The following ZNF536 variants were observed in gnomAD, a reference collection of about 807,000 sequenced individuals.
ZNF536 encodes zinc finger protein 536.
Under a neutral mutation model 84.5 loss-of-function variants are expected in ZNF536, and 13 were observed. The ratio of observed to expected loss-of-function variants is 0.15; its 90% CI spans 0.10 to 0.24. The LOEUF is 0.24. Among genes scored for constraint, ZNF536 ranks in the 10% least tolerant of loss-of-function variants. The probability of loss-of-function intolerance (pLI) is 1.00; values close to 1 mark genes in which losing one functional copy is unlikely to be tolerated. For synonymous variants in ZNF536, 811 were observed against 742.5 expected (o/e 1.09, Z -1.50); for missense variants, 1,536 against 1,747.5 (o/e 0.88, Z 2.16).
At chr19:30,307,332 G>C (rs2046370596) in intron 2 of ZNF536, among the ~76,000 whole-genome samples, 1 of 150,722 alleles carries the variant, frequency 6.6e-6, no homozygotes, top group African/African-American at 2.4e-5. Context: ...CGTGGCCACT[G>C]TGTTCAGGGG....
intron 1 of ZNF536, among the ~76,000 whole-genome samples, chr19:30,421,129 G>A (rs528068536): frequency 2.0e-5 from 3 of 152,262 alleles, no homozygotes; most frequent in South Asian, 2.1e-4. Flanking sequence ...CTTGGGCTTC[G>A]GAGGCAGTGA....
chr19:30,302,481 A>G (rs531036346), intron 2 of ZNF536, among the ~76,000 whole-genome samples: 7 of 152,274 alleles, frequency 4.6e-5, no homozygotes, highest in African/African-American at 1.7e-4. Flanking sequence ...ATTTGCACGA[A>G]GACCCGGGTG....
intron 1 of ZNF536, among the ~76,000 whole-genome samples, chr19:30,632,511 C>T (rs2147251973): frequency 6.6e-6 from 1 of 152,280 alleles, no homozygotes; most frequent in East Asian, 1.9e-4. Context: ...GAGGCTGAGG[C>T]AGGAGAATCG....
chr19:30,319,816 A>C (rs1377405006), intron 2 of ZNF536, among the ~76,000 whole-genome samples: 1 of 152,234 alleles, frequency 6.6e-6, no homozygotes, highest in African/African-American at 2.4e-5. Context: ...CAATATCATC[A>C]GCTGTATTTG....
At chr19:30,270,750 GT>G (rs34762536) in intron 1 of ZNF536, among the ~76,000 whole-genome samples, 43,048 of 141,532 alleles carry the variant, frequency 0.3, 7,270 homozygotes, top group East Asian at 0.58. Flanking sequence ...AAAAATGCAG[GT>G]TTTTTTTTTT....
At chr19:30,458,752 G>A (rs1182394557) in intron 2 of ZNF536, among the ~76,000 whole-genome samples, 1 of 152,030 alleles carries the variant, frequency 6.6e-6, no homozygotes, top group East Asian at 1.9e-4. Flanking sequence ...ACGCCTGGCT[G>A]ATTTCCTGCT....
rs151319141 is a variant in ZNF536 at position 30,654,902 on chromosome 19, C to T, written c.170-55855C>T. Among the ~76,000 whole-genome samples the T allele has an allele frequency of 5.2e-3, 797 of 151,970 alleles. 9 individuals are homozygous for T. Among genetic ancestry groups the T allele is most frequent in the African/African-American group, 0.017 (701 of 41,450 alleles). ...GTTGACTTTCTTTATCCCCAAGCAG[C>T]ATTCAGGGCTAACTTTTCAGAAATT... On this transcript the variant is annotated intron_variant, in intron 1 of 1. Transcript: ENST00000592773.
At chr19:30,659,877 G>C (rs1318419491) in intron 1 of ZNF536, among the ~76,000 whole-genome samples, 1 of 151,736 alleles carries the variant, frequency 6.6e-6, no homozygotes, top group Non-Finnish European at 1.5e-5. Context: ...ATGGCCTATA[G>C]AGTGAGCACT....
chr19:30,280,923 G>A (rs1260143737), intron 1 of ZNF536, among the ~76,000 whole-genome samples: 4 of 152,194 alleles, frequency 2.6e-5, no homozygotes, highest in Non-Finnish European at 5.9e-5. Flanking sequence ...TAGCTTGTAT[G>A]TCTGCGTTCA....
chr19:30,656,617 C>T (rs180910042), intron 1 of ZNF536, among the ~76,000 whole-genome samples: 18 of 152,328 alleles, frequency 1.2e-4, no homozygotes, highest in East Asian at 5.8e-4. Context: ...ATTCCCTTCT[C>T]GGCAGGGACG....
At chr19:30,572,170 T>C (rs1349511864) in intron 1 of ZNF536, among the ~76,000 whole-genome samples, 1 of 152,216 alleles carries the variant, frequency 6.6e-6, no homozygotes, top group Non-Finnish European at 1.5e-5. Context: ...GACCAGGTAC[T>C]ACTTGCAGAA....
chr19:30,304,376 C>T (rs1471107824), intron 2 of ZNF536, among the ~76,000 whole-genome samples: 1 of 152,202 alleles, frequency 6.6e-6, no homozygotes, highest in African/African-American at 2.4e-5. Flanking sequence ...TAGGCTTTCT[C>T]ATTTGAGCCT....
intron 3 of ZNF536, among the ~76,000 whole-genome samples, chr19:30,366,362 CTCTATCTA>C (rs10563588): frequency 0.011 from 1,541 of 146,578 alleles, 27 homozygotes; most frequent in African/African-American, 0.032. Flanking sequence ...CCTATCATAT[CTCTATCTA>C]TCTATCTATC....
intron 1 of ZNF536, among the ~76,000 whole-genome samples, chr19:30,617,419 C>T (rs1011186730): frequency 3.0e-5 from 4 of 131,946 alleles, no homozygotes; most frequent in Admixed American, 9.0e-5. Context: ...GGTGCAATCT[C>T]GGCTCACTGC....
chr19:30,261,151 A>G (rs958125846), intron 1 of ZNF536, among the ~76,000 whole-genome samples: 1 of 151,094 alleles, frequency 6.6e-6, no homozygotes, highest in Non-Finnish European at 1.5e-5. Flanking sequence ...ACAAAAAATT[A>G]GCCGGGCGTA....
At chr19:30,626,389 G>A (rs1450662452) in intron 1 of ZNF536, among the ~76,000 whole-genome samples, 1 of 151,684 alleles carries the variant, frequency 6.6e-6, no homozygotes, top group Admixed American at 6.6e-5. Flanking sequence ...GGTAGAATGT[G>A]CTCTTTAGTA....
At chr19:30,411,564 T>C (rs1050538678) in intron 1 of ZNF536, among the ~76,000 whole-genome samples, 41 of 152,296 alleles carry the variant, frequency 2.7e-4, no homozygotes, top group African/African-American at 9.6e-4. Context: ...ATTATCTCAA[T>C]ATGTTTACTG....
intron 2 of ZNF536, among the ~76,000 whole-genome samples, chr19:30,297,909 C>A (rs1046910481): frequency 1.2e-4 from 18 of 147,438 alleles, no homozygotes; most frequent in Admixed American, 6.2e-4. Flanking sequence ...GGAGTCCCCC[C>A]CCCCTCTGTC....
At chr19:30,272,954 C>T (rs935335196) in intron 1 of ZNF536, among the ~76,000 whole-genome samples, 1 of 151,778 alleles carries the variant, frequency 6.6e-6, no homozygotes, top group African/African-American at 2.4e-5. Context: ...GCTTTATTGC[C>T]CAGGCTGGAG....
Sources: allele counts gnomAD v4.1 joint callset (sites outside exome capture counted in the v4.1 genomes callset), GRCh38; gene constraint gnomAD v4.1.1; transcripts MANE v1.5; gene names NCBI Gene and HGNC (gene_info 2026-07-23, HGNC 2026-07-21).